DSCAM: variants seen among roughly 807,000 people sequenced by gnomAD.
DSCAM encodes DS cell adhesion molecule, also known as cell adhesion molecule DSCAM.
Under a neutral mutation model 217.7 loss-of-function variants are expected in DSCAM, and 47 were observed. The observed-to-expected ratio is 0.22, with a 90% CI of 0.17 to 0.28. The LOEUF is 0.28. Among genes scored for constraint, DSCAM ranks in the 10% least tolerant of loss-of-function variants. The probability of loss-of-function intolerance (pLI) is 1.00; values close to 1 mark genes in which losing one functional copy is unlikely to be tolerated. For missense variants in DSCAM, 2,080 were observed against 2,618.3 expected (o/e 0.79, Z 4.49); for synonymous variants, 1,056 against 1,015.3 (o/e 1.04, Z -0.76).
intron 16 of DSCAM, among the ~76,000 whole-genome samples, chr21:40,160,678 AC>A (rs1304143054): frequency 6.6e-6 from 1 of 152,266 alleles, no homozygotes; most frequent in South Asian, 2.1e-4. Flanking sequence ...TGTCCAAAAT[AC>A]CCCTTTAGTT....
chr21:40,031,102 G>A (rs907943156), intron 32 of DSCAM, among the ~76,000 whole-genome samples: 3 of 151,794 alleles, frequency 2.0e-5, no homozygotes, highest in African/African-American at 7.3e-5. Flanking sequence ...TCTGACTTCT[G>A]AGCCCCTTAA....
At chr21:40,189,309 G>T in intron 11 of DSCAM, 71 bp from the exon 12 acceptor site, 1 of 1,208,428 alleles carries the variant, frequency 8.3e-7, no homozygotes. Context: ...AAAACACTCA[G>T]GTAAACCATG....
chr21:40,048,984 C>T (rs1223618853), intron 30 of DSCAM, among the ~76,000 whole-genome samples: 2 of 152,130 alleles, frequency 1.3e-5, no homozygotes, highest in African/African-American at 4.8e-5. Context: ...AAAAATGATC[C>T]AGCAGATCTT....
chr21:40,533,555 ATTC>A (rs2076468051), intron 3 of DSCAM, among the ~76,000 whole-genome samples: 2 of 120,958 alleles, frequency 1.7e-5, no homozygotes, highest in Non-Finnish European at 3.7e-5. Context: ...TCATCCATCC[ATTC>A]ATCCATCCAT....
intron 3 of DSCAM, among the ~76,000 whole-genome samples, chr21:40,447,822 A>G (rs781477708): frequency 1.1e-4 from 16 of 152,250 alleles, no homozygotes; most frequent in Non-Finnish European, 2.2e-4. Context: ...ATATAGCAGC[A>G]TAACGAGGAG....
chr21:40,213,696 A>C (rs2091209821), intron 11 of DSCAM, among the ~76,000 whole-genome samples: 1 of 152,216 alleles, frequency 6.6e-6, no homozygotes, highest in African/African-American at 2.4e-5. Flanking sequence ...GAATCTGTTA[A>C]GGATGCCAGG....
At chr21:40,212,850 A>G (rs549888134) in intron 11 of DSCAM, among the ~76,000 whole-genome samples, 2 of 152,324 alleles carry the variant, frequency 1.3e-5, no homozygotes, top group East Asian at 3.9e-4. Flanking sequence ...GAAGAATGTC[A>G]TATAAGAGAC....
intron 1 of DSCAM, among the ~76,000 whole-genome samples, chr21:40,790,168 TTTTC>T (rs953483287): frequency 4.5e-4 from 67 of 149,584 alleles, no homozygotes; most frequent in Middle Eastern, 3.4e-3. Flanking sequence ...ATGCAAACGT[TTTTC>T]TTTCTTTCTT....
At chr21:40,409,299 C>T (rs1277129403) in intron 3 of DSCAM, among the ~76,000 whole-genome samples, 1 of 152,192 alleles carries the variant, frequency 6.6e-6, no homozygotes, top group East Asian at 1.9e-4. Context: ...TCCCTTTTAT[C>T]TTATGCAACT....
intron 3 of DSCAM, among the ~76,000 whole-genome samples, chr21:40,682,826 A>G (rs866459764): frequency 2.0e-5 from 2 of 100,608 alleles, no homozygotes; most frequent in Admixed American, 9.9e-5. Flanking sequence ...AAGGGAAGGG[A>G]AGGGAAGGGA....
intron 1 of DSCAM, among the ~76,000 whole-genome samples, chr21:40,725,154 C>A (rs1395880629): frequency 6.6e-6 from 1 of 152,164 alleles, no homozygotes; most frequent in Non-Finnish European, 1.5e-5. Flanking sequence ...TGGCTTTCTC[C>A]ACAATGTTAA....
intron 3 of DSCAM, among the ~76,000 whole-genome samples, chr21:40,487,555 A>G (rs1369539037): frequency 6.6e-6 from 1 of 152,096 alleles, no homozygotes; most frequent in African/African-American, 2.4e-5. Flanking sequence ...AATCAGAGCT[A>G]CTCAACCATT....
At chr21:40,436,594 C>A (rs949038880) in intron 3 of DSCAM, among the ~76,000 whole-genome samples, 1 of 152,182 alleles carries the variant, frequency 6.6e-6, no homozygotes, top group Admixed American at 6.5e-5. Context: ...AAACAGACAA[C>A]AGGGGTCTCA....
At chr21:40,837,676 C>T (rs1471129672) in intron 1 of DSCAM, among the ~76,000 whole-genome samples, 1 of 152,216 alleles carries the variant, frequency 6.6e-6, no homozygotes, top group Admixed American at 6.5e-5. Context: ...TTCCACATTT[C>T]TTGTGCATTT....
intron 30 of DSCAM, among the ~76,000 whole-genome samples, chr21:40,051,684 T>A (rs1486267622): frequency 6.6e-6 from 1 of 152,232 alleles, no homozygotes; most frequent in African/African-American, 2.4e-5. Flanking sequence ...CTTTTTTCCT[T>A]TTCTGTGTTG....
intron 4 of DSCAM, among the ~76,000 whole-genome samples, chr21:40,366,056 CT>C (rs923537446): frequency 2.0e-5 from 3 of 152,024 alleles, no homozygotes; most frequent in African/African-American, 7.2e-5. Context: ...TATTTTCTGG[CT>C]GTCTAAATGA....
chr21:40,302,923 C>T (rs998415129), intron 9 of DSCAM, among the ~76,000 whole-genome samples: 1 of 152,102 alleles, frequency 6.6e-6, no homozygotes, highest in Admixed American at 6.6e-5. Flanking sequence ...TATAATAAGA[C>T]AGGCATTTTT....
At chr21:40,651,628 C>T (rs1882786) in intron 3 of DSCAM, among the ~76,000 whole-genome samples, 48,636 of 152,042 alleles carry the variant, frequency 0.32, 8,335 homozygotes, top group African/African-American at 0.44. Context: ...ACTGCAATTT[C>T]GTCACTCTCT....
At position 40,839,600 on chromosome 21, in the gene DSCAM, A is replaced by T. The variant is rs189887066; in HGVS notation, c.43+7019T>A. Among the ~76,000 whole-genome samples, 265 of 152,312 alleles carry T rather than the reference A, an allele frequency of 1.7e-3. 1 individual carries two copies. The highest frequency in any genetic ancestry group is 2.7e-3 in the Non-Finnish European group (182 of 68,028). ...TCTAGAATATTCTGCAGAGAGTCCA[A>T]AGAGATTTCATAATATTTCTGCAAG... On this transcript the variant is annotated intron_variant, in intron 1 of 32. Coordinates refer to ENST00000400454, the MANE Select transcript of DSCAM (RefSeq NM_001389.5).
Sources: allele counts gnomAD v4.1 joint callset (sites outside exome capture counted in the v4.1 genomes callset), GRCh38; gene constraint gnomAD v4.1.1; transcripts MANE v1.5; gene names NCBI Gene and HGNC (gene_info 2026-07-23, HGNC 2026-07-21).